NALF1: variants seen among roughly 807,000 people sequenced by gnomAD.
NALF1 encodes the protein NALCN channel auxiliary factor 1, also known as family with sequence similarity 155 member A.
In NALF1, 3 loss-of-function variants were observed where a neutral mutation model predicts 48.4. The observed-to-expected ratio is 0.06, with a 90% confidence interval of 0.03 to 0.16. The LOEUF (loss-of-function observed/expected upper bound fraction) is 0.16, where lower values mean the gene tolerates loss of function less well. Among genes scored for constraint, NALF1 ranks in the 10% least tolerant of loss-of-function variants. The probability of loss-of-function intolerance (pLI) is 1.00; values close to 1 mark genes in which losing one functional copy is unlikely to be tolerated. For synonymous variants in NALF1, 262 were observed against 245.7 expected (o/e 1.07, Z -0.62); for missense variants, 526 against 571.5 (o/e 0.92, Z 0.81).
rs1195776138 is a variant in NALF1, at chr13:107,469,780, G to A, written c.916-259025C>T. On this transcript the variant is annotated intron_variant, in intron 1 of 2. Coordinates refer to ENST00000375915, the MANE Select transcript of NALF1 (RefSeq NM_001080396.3). ...TTTTTTTGAGACAGCGTCTCGCTCTGTTGCCCAGGCTGGAGTGCAGTGGTG... is the reference window on the plus strand; with the variant it reads ...TTTTTTTGAGACAGCGTCTCGCTCTATTGCCCAGGCTGGAGTGCAGTGGTG... Among the ~76,000 whole-genome samples, 4 of 112,912 alleles carry A rather than the reference G, an allele frequency of 3.5e-5. No homozygotes were observed. In the South Asian group the frequency reaches 1.2e-3, roughly 33 times the overall value. 74.1% of individuals were successfully genotyped at this position (112,912 alleles called of 152,430 possible).
chr13:107,265,822 T>C (rs1397627877), intron 1 of NALF1, among the ~76,000 whole-genome samples: 1 of 152,174 alleles, frequency 6.6e-6, no homozygotes, highest in East Asian at 1.9e-4. Context: ...TTTTTGGTCA[T>C]TTTTTTCCAT....
intron 1 of NALF1, among the ~76,000 whole-genome samples, chr13:107,412,965 G>A (rs1484825082): frequency 6.6e-6 from 1 of 152,080 alleles, no homozygotes; most frequent in Non-Finnish European, 1.5e-5. Context: ...TATTTTATCA[G>A]GAAAATATGA....
chr13:107,228,845 T>C (rs1227514936), intron 1 of NALF1, among the ~76,000 whole-genome samples: 2 of 152,236 alleles, frequency 1.3e-5, no homozygotes, highest in African/African-American at 4.8e-5. Flanking sequence ...GGTCTTGAAC[T>C]CCTGATCTCA....
intron 1 of NALF1, among the ~76,000 whole-genome samples, chr13:107,428,088 G>A (rs1343771702): frequency 1.3e-5 from 2 of 152,134 alleles, no homozygotes; most frequent in African/African-American, 4.8e-5. Flanking sequence ...GAGGGAGGAT[G>A]AGCTCATCCT....
intron 1 of NALF1, among the ~76,000 whole-genome samples, chr13:107,218,861 G>T (rs1170320392): frequency 6.6e-6 from 1 of 152,178 alleles, no homozygotes; most frequent in Non-Finnish European, 1.5e-5. Context: ...TATTTAAACG[G>T]ACACACTACT....
intron 1 of NALF1, among the ~76,000 whole-genome samples, chr13:107,242,701 A>G (rs1880501398): frequency 6.6e-6 from 1 of 152,132 alleles, no homozygotes; most frequent in South Asian, 2.1e-4. Context: ...GCAGTATGCC[A>G]TTGTGGAAAC....
chr13:107,204,759 T>G (rs1197903719), intron 2 of NALF1, among the ~76,000 whole-genome samples: 2 of 152,200 alleles, frequency 1.3e-5, no homozygotes, highest in African/African-American at 4.8e-5. Flanking sequence ...TCCCGTTTCT[T>G]TTTTGCCTTA....
At chr13:107,447,700 CTG>C (rs1332844257) in intron 1 of NALF1, among the ~76,000 whole-genome samples, 1 of 152,178 alleles carries the variant, frequency 6.6e-6, no homozygotes, top group African/African-American at 2.4e-5. Context: ...AGGATCTACA[CTG>C]TGTCTTCTGT....
Position 107,499,495 on chromosome 13 carries a change from A to C in NALF1, c.916-288740T>G, listed in dbSNP as rs143974980. On this transcript the variant is annotated intron_variant, in intron 1 of 2. Coordinates refer to ENST00000375915, the MANE Select transcript of NALF1 (RefSeq NM_001080396.3). ...ACTGCTGGGATTGCAGGTGTGAGCC[A>C]CTGGGCCAGGCCATATTGAAGTCTT... is the stretch of plus-strand genomic sequence containing the variant. Among the ~76,000 whole-genome samples, 570 of 152,310 alleles carry C rather than the reference A, an allele frequency of 3.7e-3. 5 individuals carry two copies. The highest frequency in any genetic ancestry group is 0.013 in the African/African-American group (529 of 41,574).
intron 1 of NALF1, among the ~76,000 whole-genome samples, chr13:107,772,943 T>C (rs1877620686): frequency 6.6e-6 from 1 of 152,248 alleles, no homozygotes; most frequent in Non-Finnish European, 1.5e-5. Flanking sequence ...ATGTAAAATT[T>C]CAGGATAGAT....
intron 1 of NALF1, among the ~76,000 whole-genome samples, chr13:107,654,163 G>C (rs1259225641): frequency 1.3e-5 from 2 of 152,006 alleles, no homozygotes; most frequent in Non-Finnish European, 2.9e-5. Flanking sequence ...AAAAAAGAGA[G>C]AAGATCCAAA....
At chr13:107,754,769 T>A (rs759628046) in intron 1 of NALF1, among the ~76,000 whole-genome samples, 2 of 152,118 alleles carry the variant, frequency 1.3e-5, no homozygotes, top group Non-Finnish European at 2.9e-5. Flanking sequence ...TCTTTCCACA[T>A]TTGTCTTCTA....
chr13:107,772,520 G>A (rs1297665565), intron 1 of NALF1, among the ~76,000 whole-genome samples: 1 of 151,982 alleles, frequency 6.6e-6, no homozygotes, highest in East Asian at 1.9e-4. Context: ...ATAAATTCAG[G>A]GAGTTGTTTC....
intron 1 of NALF1, among the ~76,000 whole-genome samples, chr13:107,630,784 ACT>A (rs1879815292): frequency 6.6e-6 from 1 of 151,938 alleles, no homozygotes; most frequent in African/African-American, 2.4e-5. Flanking sequence ...ATAATTCAAC[ACT>A]CTCATCTCTT....
chr13:107,558,895 A>G (rs958112278), intron 1 of NALF1, among the ~76,000 whole-genome samples: 5 of 151,958 alleles, frequency 3.3e-5, no homozygotes, highest in Non-Finnish European at 7.4e-5. Flanking sequence ...TCAGATGTCA[A>G]TGCTCCCAGT....
chr13:107,639,272 A>C (rs1880081149), intron 1 of NALF1, among the ~76,000 whole-genome samples: 1 of 152,182 alleles, frequency 6.6e-6, no homozygotes, highest in Non-Finnish European at 1.5e-5. Context: ...TGCAAGCTGC[A>C]GCCTGAAATA....
intron 1 of NALF1, among the ~76,000 whole-genome samples, chr13:107,240,248 C>A (rs972382876): frequency 6.6e-6 from 1 of 152,044 alleles, no homozygotes; most frequent in Non-Finnish European, 1.5e-5. Flanking sequence ...ATTTATGGAC[C>A]AATCCAAGGC....
chr13:107,829,419 C>T (rs1879639573), intron 1 of NALF1, among the ~76,000 whole-genome samples: 1 of 152,082 alleles, frequency 6.6e-6, no homozygotes, highest in African/African-American at 2.4e-5. Flanking sequence ...GAGAACCTGA[C>T]ATTTAAATGT....
At chr13:107,775,212 C>G (rs1310745590) in intron 1 of NALF1, among the ~76,000 whole-genome samples, 1 of 123,828 alleles carries the variant, frequency 8.1e-6, no homozygotes, top group African/African-American at 3.0e-5. Context: ...CCCCTCCCCC[C>G]ACCCCACAAC....
Sources: allele counts gnomAD v4.1 joint callset (sites outside exome capture counted in the v4.1 genomes callset), GRCh38; gene constraint gnomAD v4.1.1; transcripts MANE v1.5; gene names NCBI Gene and HGNC (gene_info 2026-07-23, HGNC 2026-07-21).